CTNNA2: variants seen among roughly 807,000 people sequenced by gnomAD.
The protein encoded by CTNNA2 is catenin alpha-2.
A neutral mutation model predicts 101.0 loss-of-function variants in CTNNA2; 42 were observed. The observed-to-expected ratio is 0.42, with a 90% CI of 0.32 to 0.54. The LOEUF (loss-of-function observed/expected upper bound fraction) is 0.54, where lower values mean the gene tolerates loss of function less well. Ranked by LOEUF, CTNNA2 falls within the 20% of genes least tolerant of loss-of-function variation. The pLI is 0.14. For missense variants in CTNNA2, 871 were observed against 1,223.1 expected (o/e 0.71, Z 4.29); for synonymous variants, 450 against 456.4 (o/e 0.99, Z 0.18).
chr2:79,697,299 G>C (rs932531649), intron 2 of CTNNA2, among the ~76,000 whole-genome samples: 1 of 151,942 alleles, frequency 6.6e-6, no homozygotes, highest in Non-Finnish European at 1.5e-5. Context: ...GTCAGTCACT[G>C]CTACTTTAAA....
intron 2 of CTNNA2, among the ~76,000 whole-genome samples, chr2:79,279,480 C>T (rs931210685): frequency 6.6e-6 from 1 of 152,108 alleles, no homozygotes; most frequent in Non-Finnish European, 1.5e-5. Context: ...CCCCAACTTC[C>T]AGTTACTTGT....
chr2:80,208,389 A>G (rs1707664713), intron 7 of CTNNA2, among the ~76,000 whole-genome samples: 1 of 152,196 alleles, frequency 6.6e-6, no homozygotes, highest in Non-Finnish European at 1.5e-5. Context: ...GGCTACCAAA[A>G]TGTTTGAGGT....
intron 2 of CTNNA2, among the ~76,000 whole-genome samples, chr2:79,201,021 C>G (rs902305194): frequency 3.3e-5 from 5 of 152,102 alleles, no homozygotes; most frequent in Admixed American, 6.5e-5. Flanking sequence ...TTCAGTTTGA[C>G]TTGGCTAGCA....
At chr2:80,411,777 A>G (rs760051769) in intron 8 of CTNNA2, among the ~76,000 whole-genome samples, 9 of 152,192 alleles carry the variant, frequency 5.9e-5, no homozygotes, top group Non-Finnish European at 8.8e-5. Context: ...CTATTGTCTC[A>G]GTCTCCTCAC....
intron 7 of CTNNA2, among the ~76,000 whole-genome samples, chr2:79,949,148 A>G (rs571819038): frequency 1.3e-5 from 2 of 152,212 alleles, no homozygotes; most frequent in South Asian, 4.1e-4. Context: ...AAGAAACAGT[A>G]TACACAATTT....
At chr2:79,442,840 G>A (rs1338516989) in intron 4 of CTNNA2, among the ~76,000 whole-genome samples, 1 of 152,104 alleles carries the variant, frequency 6.6e-6, no homozygotes, top group Non-Finnish European at 1.5e-5. Context: ...GAGTGGTAAT[G>A]ACTACTGTCA....
intron 17 of CTNNA2, among the ~76,000 whole-genome samples, chr2:80,616,907 T>C (rs1283547103): frequency 2.0e-5 from 3 of 151,774 alleles, no homozygotes; most frequent in Non-Finnish European, 2.9e-5. Flanking sequence ...CTGCATCCTT[T>C]TGATGCAGCC....
chr2:79,727,610 G>T (rs1034077430), intron 2 of CTNNA2, among the ~76,000 whole-genome samples: 3 of 150,902 alleles, frequency 2.0e-5, no homozygotes, highest in African/African-American at 7.3e-5. Context: ...AAGTTTTAGG[G>T]TACCTGTGCA....
At chr2:80,136,187 G>C (rs944766272) in intron 7 of CTNNA2, among the ~76,000 whole-genome samples, 1 of 152,110 alleles carries the variant, frequency 6.6e-6, no homozygotes, top group Non-Finnish European at 1.5e-5. Context: ...GACTGTTCTT[G>C]ATGCATAATG....
intron 7 of CTNNA2, among the ~76,000 whole-genome samples, chr2:80,277,193 T>G (rs1262776091): frequency 1.3e-5 from 2 of 151,798 alleles, no homozygotes; most frequent in Non-Finnish European, 2.9e-5. Flanking sequence ...GGGGTGGGGG[T>G]GAAAAGCTTT....
intron 6 of CTNNA2, among the ~76,000 whole-genome samples, chr2:79,892,893 AT>A (rs1684409371): frequency 6.6e-6 from 1 of 152,182 alleles, no homozygotes; most frequent in Admixed American, 6.6e-5. Flanking sequence ...ACTTGTTCTA[AT>A]TGTTAAAAGC....
At chr2:79,311,266 C>T (rs373336507) in intron 2 of CTNNA2, among the ~76,000 whole-genome samples, 12 of 151,822 alleles carry the variant, frequency 7.9e-5, no homozygotes, top group Admixed American at 3.9e-4. Flanking sequence ...AAAATTAGCC[C>T]GGCGTGATGG....
intron 7 of CTNNA2, among the ~76,000 whole-genome samples, chr2:80,375,489 C>T (rs144501012): frequency 6.6e-6 from 1 of 152,092 alleles, no homozygotes; most frequent in East Asian, 1.9e-4. Context: ...CATGGTGACC[C>T]ACCCTCAAGT....
intron 3 of CTNNA2, among the ~76,000 whole-genome samples, chr2:79,772,748 A>G (rs1296322705): frequency 6.6e-6 from 1 of 152,144 alleles, no homozygotes; most frequent in Non-Finnish European, 1.5e-5. Context: ...AAAAATGTGT[A>G]GAGACAGGGT....
chr2:79,777,480 G>C (rs1311574385), intron 3 of CTNNA2, among the ~76,000 whole-genome samples: 2 of 152,026 alleles, frequency 1.3e-5, no homozygotes, highest in South Asian at 2.1e-4. Context: ...GAGTAGCCGA[G>C]AGACTTACCA....
rs1211672880 is a variant in CTNNA2, at chr2:80,302,745, C to A, written c.1057-90466C>A. On this transcript the variant is annotated intron_variant, in intron 7 of 18. Coordinates refer to ENST00000402739, the MANE Select transcript of CTNNA2 (RefSeq NM_001282597.3). This position sits in a 1 kb window ranked among gnomAD's most constrained non-coding sequence, Gnocchi z 6.4. ...GCCCCATCCTCGCACAGGTGGAAGG[C>A]GTACACGGCGTCCAGGACGTCCTCG... 1 of 1,613,082 alleles carries A rather than the reference C, an allele frequency of 6.2e-7. No individual in the cohort carries two copies.
intron 7 of CTNNA2, among the ~76,000 whole-genome samples, chr2:79,982,388 TATATAAC>T (rs1394273326): frequency 0.011 from 1,633 of 144,424 alleles, 44 homozygotes; most frequent in African/African-American, 0.039. Context: ...ATATATAACA[TATATAAC>T]ATATATAACA....
chr2:80,009,752 CAG>C (rs143788691), intron 7 of CTNNA2, among the ~76,000 whole-genome samples: 4 of 143,096 alleles, frequency 2.8e-5, no homozygotes, highest in African/African-American at 1.0e-4. Flanking sequence ...GTGTGTGTGT[CAG>C]AGAGAGAGAC....
At chr2:80,344,101 C>G (rs906644064) in intron 7 of CTNNA2, among the ~76,000 whole-genome samples, 2 of 152,172 alleles carry the variant, frequency 1.3e-5, no homozygotes, top group African/African-American at 4.8e-5. Context: ...GGACTCTCAG[C>G]CCACCTCTTA....
Sources: gnomAD v4.1 joint callset for allele counts (sites outside exome capture counted in the v4.1 genomes callset) on GRCh38, gnomAD v4.1.1 for gene constraint, Gnocchi (gnomAD v3.1) non-coding constraint, MANE v1.5 for transcripts, NCBI Gene and HGNC (gene_info 2026-07-23, HGNC 2026-07-21) for gene names.